VPS54: variants seen among roughly 807,000 people sequenced by gnomAD.
The protein encoded by VPS54 is vacuolar protein sorting-associated protein 54.
VPS54 carries 45 observed loss-of-function variants against 121.5 expected under a neutral mutation model. The ratio of observed to expected loss-of-function variants is 0.37; its 90% CI spans 0.29 to 0.47. The LOEUF is 0.47. Ranked by LOEUF, VPS54 falls within the 20% of genes least tolerant of loss-of-function variation. VPS54 has a pLI of 0.99. For missense variants in VPS54, 1,090 were observed against 1,131.4 expected (o/e 0.96, Z 0.52); for synonymous variants, 371 against 385.8 (o/e 0.96, Z 0.45).
At chr2:63,923,839 G>A (rs142991964) in intron 12 of VPS54, among the ~76,000 whole-genome samples, 18 of 152,274 alleles carry the variant, frequency 1.2e-4, no homozygotes, top group South Asian at 4.1e-4. Context: ...AAGTTAGAAC[G>A]TCAGACGTAT....
chr2:63,920,694 T>G (rs1401017558), intron 13 of VPS54, 67 bp from the exon 14 acceptor site: 3 of 899,768 alleles, frequency 3.3e-6, no homozygotes, highest in Admixed American at 3.9e-5. Context: ...ACCAAGTTAG[T>G]TTAACGATTA....
chr2:63,894,701 C>CAAA (rs34352542), intron 22 of VPS54, among the ~76,000 whole-genome samples: 16 of 114,134 alleles, frequency 1.4e-4, no homozygotes, highest in Non-Finnish European at 2.0e-4. Flanking sequence ...ACCCTGTCTC[C>CAAA]AAAAAAAAAA....
chr2:64,009,157 CTT>C (rs1327135269), intron 1 of VPS54, among the ~76,000 whole-genome samples: 1 of 152,164 alleles, frequency 6.6e-6, no homozygotes, highest in African/African-American at 2.4e-5. Flanking sequence ...CCTCTTCTGT[CTT>C]TGTCTCCTTA....
intron 12 of VPS54, among the ~76,000 whole-genome samples, chr2:63,924,654 A>C (rs1201499450): frequency 6.6e-6 from 1 of 152,212 alleles, no homozygotes; most frequent in East Asian, 1.9e-4. Context: ...ATCTCTACAA[A>C]CTAATTGTTT....
intron 20 of VPS54, among the ~76,000 whole-genome samples, chr2:63,907,760 G>A (rs11674020): frequency 0.17 from 25,949 of 151,998 alleles, 2,345 homozygotes; most frequent in Middle Eastern, 0.21. Flanking sequence ...ATTTTTAAAT[G>A]AGCAAGAAAT....
intron 10 of VPS54, 71 bp downstream of exon 10, chr2:63,944,529 C>A: frequency 7.1e-7 from 1 of 1,415,576 alleles, no homozygotes; most frequent in Non-Finnish European, 9.9e-7. Context: ...AAATCTACTT[C>A]GAATTATTCT....
intron 12 of VPS54, among the ~76,000 whole-genome samples, chr2:63,926,753 T>C (rs1372330302): frequency 6.6e-6 from 1 of 152,154 alleles, no homozygotes; most frequent in African/African-American, 2.4e-5. Flanking sequence ...TGTGAGTAAC[T>C]GCACCTGGAG....
chr2:63,983,699 C>T (rs1031683372), intron 2 of VPS54, among the ~76,000 whole-genome samples, 165 bp downstream of exon 2: 1 of 152,100 alleles, frequency 6.6e-6, no homozygotes, highest in African/African-American at 2.4e-5. Context: ...ACCTCAGCCT[C>T]CCAAAGTGCT....
intron 4 of VPS54, among the ~76,000 whole-genome samples, chr2:63,970,242 A>AATATATATATAG (rs1382313200): frequency 2.3e-5 from 1 of 43,006 alleles, no homozygotes; most frequent in East Asian, 2.9e-4. Flanking sequence ...CACACATTCT[A>AATATATATATAG]ATATATATAT....
In VPS54 at chr2:64,013,615, TATC is replaced by T. The variant is rs1678535311; in HGVS notation, c.-21+5320_-21+5322del. Among the ~76,000 whole-genome samples, 3 of 146,300 alleles carry T rather than the reference TATC, an allele frequency of 2.1e-5. No individual in the cohort carries two copies. The South Asian group carries it at 6.3e-4, about 31-fold the overall frequency. On this transcript the variant is annotated intron_variant, in intron 1 of 22. Coordinates refer to ENST00000272322, the MANE Select transcript of VPS54 (RefSeq NM_016516.3). ...ATATCAATATATATCATATGATATA[TATC>T]AGCATTTATATATAAATATATATCA... is the stretch of plus-strand genomic sequence containing the variant.
At chr2:63,916,532 T>C (rs1673386906) in intron 16 of VPS54, among the ~76,000 whole-genome samples, 1 of 152,132 alleles carries the variant, frequency 6.6e-6, no homozygotes, top group Admixed American at 6.5e-5. Context: ...AGTTCACAAC[T>C]TAAACTATTA....
intron 1 of VPS54, among the ~76,000 whole-genome samples, chr2:63,999,298 T>C (rs1296244853): frequency 1.3e-5 from 2 of 152,234 alleles, no homozygotes; most frequent in Non-Finnish European, 2.9e-5. Flanking sequence ...ATGAAATCCC[T>C]TGGCTTTTGT....
intron 1 of VPS54, among the ~76,000 whole-genome samples, chr2:64,001,825 C>T (rs943616318): frequency 5.9e-5 from 9 of 151,952 alleles, no homozygotes; most frequent in African/African-American, 2.2e-4. Context: ...GCTGCCTGGG[C>T]TTGGAGAAGG....
At chr2:63,997,768 T>G (rs539222628) in intron 1 of VPS54, among the ~76,000 whole-genome samples, 1 of 152,198 alleles carries the variant, frequency 6.6e-6, no homozygotes, top group East Asian at 1.9e-4. Context: ...GCTTTTCCCT[T>G]TCTTTAAAAT....
intron 3 of VPS54, among the ~76,000 whole-genome samples, chr2:63,976,217 G>T (rs1455294256): frequency 2.6e-5 from 4 of 151,874 alleles, no homozygotes; most frequent in African/African-American, 2.4e-5. Flanking sequence ...TGTTGTGGTG[G>T]TGCTCGCCTG....
chr2:63,899,508 G>C lies in VPS54; in HGVS notation c.2699C>G (p.Ala900Gly). 2.5e-6 allele frequency: 4 copies of C among 1,613,812 alleles called. No homozygotes were observed. Among genetic ancestry groups the C allele is most frequent in the Non-Finnish European group, 3.4e-6 (4 of 1,179,932 alleles). Residue 900 changes from alanine (A) to glycine (G), a missense_variant, in exon 21 of 23, where the codon GCT (alanine) becomes GGT (glycine). By Grantham distance (60) the Ala-to-Gly change is moderately conservative (BLOSUM62 0). Transcript: ENST00000272322. ...ICKQMTKMHE[A>G]IFDLLPEEQT... is the part of the protein sequence containing the mutation. ...TTCTTCTGGAAGGAGATCAAATATA[G>C]CTTCGTGCATTTTTGTCATTTGCTT...
At chr2:63,940,217 T>C (rs1472946723) in intron 11 of VPS54, among the ~76,000 whole-genome samples, 1 of 152,192 alleles carries the variant, frequency 6.6e-6, no homozygotes. Flanking sequence ...CAATTTTTAG[T>C]TATTTTTAAA....
Position 63,962,335 on chromosome 2 carries a change from G to C in VPS54, c.733C>G (p.Leu245Val). ...TTTACAGCCTGGGAAGTTTTCCTGA[G>C]GTAGTCCTGCAACTCGTGTTGAGAG... Reference protein sequence around the residue: ...MTSQHELQDYLRKTSQAVKML... With the variant: ...MTSQHELQDYVRKTSQAVKML... The change falls in exon 7 of 23, where the codon CTC (leucine) becomes GTC (valine). Residue 245 changes from leucine to valine, a missense_variant. This residue lies in a region of VPS54 where 801 missense variants were observed against 757.0 expected (regional missense o/e 1.06). Coordinates refer to ENST00000272322, the MANE Select transcript of VPS54 (RefSeq NM_016516.3). 6.2e-7 allele frequency: 1 copy of C among 1,613,918 alleles called. No homozygotes were observed. The highest frequency in any genetic ancestry group is 8.5e-7 in the Non-Finnish European group (1 of 1,179,900).
intron 11 of VPS54, among the ~76,000 whole-genome samples, chr2:63,940,436 AAAT>A (rs1038513986): frequency 1.3e-5 from 2 of 152,198 alleles, no homozygotes; most frequent in African/African-American, 4.8e-5. Flanking sequence ...CACATACATA[AAAT>A]AATAACTCTA....
Sources: allele counts gnomAD v4.1 joint callset (sites outside exome capture counted in the v4.1 genomes callset), GRCh38; gene constraint gnomAD v4.1.1; regional missense constraint gnomAD v4.1.1; transcripts MANE v1.5; gene names NCBI Gene and HGNC (gene_info 2026-07-23, HGNC 2026-07-21).